Variants in ATXN1 observed in about 807,000 individuals in gnomAD.
ATXN1 encodes ataxin-1.
A neutral mutation model predicts 56.4 loss-of-function variants in ATXN1; 8 were observed. The observed-to-expected ratio is 0.14, with a 90% confidence interval of 0.08 to 0.26. ATXN1 has a LOEUF of 0.26. ATXN1 is among the 10% of genes least tolerant of loss of function. The pLI is 1.00. For synonymous variants in ATXN1, 514 were observed against 494.6 expected (o/e 1.04, Z -0.52); for missense variants, 987 against 1,106.5 (o/e 0.89, Z 1.53).
At chr6:16,330,990 T>G (rs945532828) in intron 6 of ATXN1, among the ~76,000 whole-genome samples, 1 of 151,982 alleles carries the variant, frequency 6.6e-6, no homozygotes, top group African/African-American at 2.4e-5. Context: ...GTCACTTATT[T>G]ACTCTCGCAA....
chr6:16,328,029 C>G lies in ATXN1; in HGVS notation c.282G>C (p.Arg94Ser). The stretch of plus-strand genomic sequence containing the variant: ...GCAGCGTGGTGGCCACGGGGACAGA[C>G]CTGGGAGCGCTGGGCGGGGAGTAGT... ...GLDYSPPSAP[R>S]SVPVATTLPA... is the part of the protein sequence containing the mutation. Residue 94 changes from arginine to serine, a missense_variant, in exon 7 of 8, where the codon AGG becomes AGC. By Grantham distance (110) the Arg-to-Ser change is moderately radical. Coordinates refer to ENST00000436367, the MANE Select transcript of ATXN1 (RefSeq NM_001128164.2). The surrounding 1 kb of genome is among the most constrained non-coding windows in gnomAD (Gnocchi z 6.2). 6.2e-7 allele frequency: 1 copy of G among 1,613,366 alleles called. No individual in the cohort carries two copies. The highest frequency in any genetic ancestry group is 8.5e-7 in the Non-Finnish European group (1 of 1,179,654).
rs750197520 is a variant in ATXN1 at position 16,327,431 on chromosome 6, C to T, written c.880G>A (p.Ala294Thr). 62 of 1,613,542 alleles carry T rather than the reference C, an allele frequency of 3.8e-5. 2 individuals carry two copies. The South Asian group carries it at 5.7e-4, about 15-fold the overall frequency. ...GPPSQVVMQY[A>T]DSGSHFVPRE... ...GGGACAAAGTGGCTGCCGGAGTCGG[C>T]GTATTGCATGACGACCTGGGAGGGG... The change falls in exon 7 of 8, where the codon GCC becomes ACC. Residue 294 changes from alanine to threonine, a missense_variant. By Grantham distance (58) the Ala-to-Thr change is moderately conservative (BLOSUM62 0). This residue lies in a region of ATXN1 where 723 missense variants were observed against 791.7 expected (regional missense o/e 0.91). Transcript: ENST00000436367.
At chr6:16,749,717 A>G (rs1760652114) in intron 2 of ATXN1, among the ~76,000 whole-genome samples, 1 of 152,028 alleles carries the variant, frequency 6.6e-6, no homozygotes, top group Non-Finnish European at 1.5e-5. Context: ...GCTGCCTCTT[A>G]CCTTCTCTCT....
At chr6:16,629,583 C>G (rs924465893) in intron 3 of ATXN1, among the ~76,000 whole-genome samples, 1 of 152,046 alleles carries the variant, frequency 6.6e-6, no homozygotes, top group African/African-American at 2.4e-5. Context: ...CCCACCTTGG[C>G]CTTTCAAAGT....
intron 6 of ATXN1, among the ~76,000 whole-genome samples, chr6:16,463,976 T>C (rs116566515): frequency 2.6e-5 from 4 of 152,294 alleles, no homozygotes; most frequent in Non-Finnish European, 5.9e-5. Flanking sequence ...CCCTTTGGCC[T>C]AGAGTGTTCC....
chr6:16,532,381 G>A (rs923199717), intron 4 of ATXN1, among the ~76,000 whole-genome samples: 1 of 152,082 alleles, frequency 6.6e-6, no homozygotes, highest in Non-Finnish European at 1.5e-5. Context: ...GTTTTCCAGT[G>A]GTAAGTCTCT....
At chr6:16,750,968 C>CTTTT (rs35690453) in intron 2 of ATXN1, among the ~76,000 whole-genome samples, 3 of 135,858 alleles carry the variant, frequency 2.2e-5, no homozygotes, top group East Asian at 2.1e-4. Flanking sequence ...TCTTTCCTCT[C>CTTTT]TTTTTTTTTT....
chr6:16,716,445 G>C (rs1193393210), intron 2 of ATXN1, among the ~76,000 whole-genome samples: 4 of 152,180 alleles, frequency 2.6e-5, no homozygotes, highest in Admixed American at 1.3e-4. Flanking sequence ...ACTAGGAACT[G>C]GAAGATCTGA....
At chr6:16,438,866 C>T (rs77396677) in intron 6 of ATXN1, among the ~76,000 whole-genome samples, 4,230 of 152,214 alleles carry the variant, frequency 0.028, 77 homozygotes, top group Non-Finnish European at 0.041. Context: ...ACGGGAGGTA[C>T]TCGATCAATG....
intron 4 of ATXN1, among the ~76,000 whole-genome samples, chr6:16,545,350 T>C (rs1160774583): frequency 1.3e-5 from 2 of 152,226 alleles, no homozygotes; most frequent in East Asian, 3.9e-4. Flanking sequence ...GAGACAGTTG[T>C]ATGGGCTAAG....
At chr6:16,755,190 T>G (rs1760850420) in intron 1 of ATXN1, among the ~76,000 whole-genome samples, 1 of 152,250 alleles carries the variant, frequency 6.6e-6, no homozygotes, top group African/African-American at 2.4e-5. Flanking sequence ...CATAGAAGAT[T>G]ACTTTACTCT....
At chr6:16,567,430 T>C (rs1446706748) in intron 4 of ATXN1, among the ~76,000 whole-genome samples, 1 of 152,198 alleles carries the variant, frequency 6.6e-6, no homozygotes, top group South Asian at 2.1e-4. Flanking sequence ...TGAGTGCAAG[T>C]CAGAATAACT....
intron 7 of ATXN1, among the ~76,000 whole-genome samples, chr6:16,321,496 TC>T (rs1760651126): frequency 6.6e-6 from 1 of 152,118 alleles, no homozygotes; most frequent in African/African-American, 2.4e-5. Flanking sequence ...CATTCCCCTT[TC>T]CTCCCACAGC....
chr6:16,710,187 T>C (rs1561817717), intron 2 of ATXN1, among the ~76,000 whole-genome samples: 1 of 152,216 alleles, frequency 6.6e-6, no homozygotes, highest in Non-Finnish European at 1.5e-5. Flanking sequence ...TTGAAAAGGA[T>C]GATTTAAAAA....
chr6:16,428,869 G>A (rs950389648), intron 6 of ATXN1, among the ~76,000 whole-genome samples: 10 of 152,202 alleles, frequency 6.6e-5, no homozygotes, highest in African/African-American at 2.4e-4. Context: ...ATGGGTTTGC[G>A]GTTAGAAGGC....
At chr6:16,610,711 G>A (rs1284039094) in intron 3 of ATXN1, among the ~76,000 whole-genome samples, 1 of 152,134 alleles carries the variant, frequency 6.6e-6, no homozygotes, top group East Asian at 1.9e-4. Flanking sequence ...AGGGGTAGTT[G>A]TGCTTTAAAA....
chr6:16,331,844 A>G (rs1377246232), intron 6 of ATXN1, among the ~76,000 whole-genome samples: 1 of 152,234 alleles, frequency 6.6e-6, no homozygotes, highest in African/African-American at 2.4e-5. Flanking sequence ...TAAATTTGAA[A>G]AAGAATGCTG....
In ATXN1 at chr6:16,327,696, C is replaced by CTGCTGCTGCTGA. The variant is rs1760864848; in HGVS notation, c.614_615insTCAGCAGCAGCA (p.Gln204_Gln205insHisGlnGlnGln). 1.3e-6 allele frequency: 2 copies of CTGCTGCTGCTGA among 1,592,580 alleles called. No homozygotes were observed. Among genetic ancestry groups the CTGCTGCTGCTGA allele is most frequent in the African/African-American group, 2.7e-5 (2 of 73,166 alleles). On this transcript the variant is annotated inframe_insertion, in exon 7 of 8. Coordinates refer to ENST00000436367, the MANE Select transcript of ATXN1 (RefSeq NM_001128164.2). ...GCTGCTGATGCTGATGCTGCTGCTG[C>CTGCTGCTGCTGA]TGCTGCTGCTGCTGCTGCTGCTGCT...
In ATXN1 at chr6:16,327,684, A is replaced by ATGCTGATGCTGC. The variant is rs864309555; in HGVS notation, c.626_627insGCAGCATCAGCA (p.Gln208_His209insGlnGlnHisGln). On this transcript the variant is annotated inframe_insertion, in exon 7 of 8. Coordinates refer to ENST00000436367, the MANE Select transcript of ATXN1 (RefSeq NM_001128164.2). ...GCTGCTGCTGCTGCTGCTGATGCTGATGCTGCTGCTGCTGCTGCTGCTGCT... is the reference window on the plus strand; with the variant it reads ...GCTGCTGCTGCTGCTGCTGATGCTGATGCTGATGCTGCTGCTGCTGCTGCTGCTGCTGCTGCT... 1.1e-4 allele frequency: 158 copies of ATGCTGATGCTGC among 1,474,174 alleles called. No individual in the cohort carries two copies. Among genetic ancestry groups the ATGCTGATGCTGC allele is most frequent in the South Asian group, 8.5e-4 (67 of 78,408 alleles). 91.3% of individuals were successfully genotyped at this position (1,474,174 alleles called of 1,614,324 possible).
Sources: allele counts gnomAD v4.1 joint callset (sites outside exome capture counted in the v4.1 genomes callset), GRCh38; gene constraint gnomAD v4.1.1; regional missense constraint gnomAD v4.1.1; non-coding constraint Gnocchi (gnomAD v3.1); transcripts MANE v1.5; gene names NCBI Gene and HGNC (gene_info 2026-07-23, HGNC 2026-07-21).